The following COL26A1 variants were observed in gnomAD, a reference collection of about 807,000 sequenced individuals.
COL26A1 encodes the protein collagen alpha-1(XXVI) chain.
In COL26A1, 41 loss-of-function variants were observed where a neutral mutation model predicts 59.3. The ratio of observed to expected loss-of-function variants is 0.69; its 90% confidence interval spans 0.54 to 0.90. The LOEUF (loss-of-function observed/expected upper bound fraction) is 0.90. Among genes scored for constraint, COL26A1 ranks in the 40% least tolerant of loss-of-function variants. COL26A1 has a pLI of 0.00. For synonymous variants in COL26A1, 266 were observed against 256.0 expected, an observed-to-expected ratio of 1.04 and a Z score of -0.37; for missense variants, 612 against 602.3, an observed-to-expected ratio of 1.02 and a Z score of -0.17.
Position 101,489,687 on chromosome 7 carries a change from TTCTTTCTTTCTG to T in COL26A1, c.385+41912_385+41923del, listed in dbSNP as rs1794361359. On this transcript the variant is annotated intron_variant, in intron 3 of 12. Coordinates refer to ENST00000313669, the MANE Select transcript of COL26A1 (RefSeq NM_001278563.3). Reference sequence around the variant, plus strand: ...TTCCTTCCTTCCTTCCTTCCTTTCTTTCTTTCTTTCTGTCTTTCTTTCTTTCATTCTTTCTTT... The same window carrying T: ...TTCCTTCCTTCCTTCCTTCCTTTCTTTCTTTCTTTCTTTCATTCTTTCTTT... Among the ~76,000 whole-genome samples, 4 of 16,084 alleles carry T rather than the reference TTCTTTCTTTCTG, an allele frequency of 2.5e-4. 1 individual carries two copies. The highest frequency in any genetic ancestry group is 7.9e-4 in the Admixed American group (1 of 1,258). The allele number at this position is 16,084 out of a possible 152,430, so 10.6% of individuals were successfully genotyped here.
intron 3 of COL26A1, among the ~76,000 whole-genome samples, chr7:101,460,232 G>A (rs1793577675): frequency 6.6e-6 from 1 of 152,086 alleles, no homozygotes; most frequent in Admixed American, 6.6e-5. Context: ...GAGTGTGCAG[G>A]GGCCAGAGGA....
chr7:101,431,572 A>G (rs1792781235), intron 2 of COL26A1, among the ~76,000 whole-genome samples: 1 of 151,914 alleles, frequency 6.6e-6, no homozygotes, highest in Non-Finnish European at 1.5e-5. Flanking sequence ...AAGGTTTTCA[A>G]AGATGCTTTT....
chr7:101,382,167 G>C (rs1486305727), intron 1 of COL26A1, among the ~76,000 whole-genome samples: 1 of 152,116 alleles, frequency 6.6e-6, no homozygotes, highest in African/African-American at 2.4e-5. Context: ...TCCTGCCTCA[G>C]CCTCTTGAGT....
At chr7:101,411,389 C>G (rs62465637) in intron 1 of COL26A1, among the ~76,000 whole-genome samples, 26,730 of 151,788 alleles carry the variant, frequency 0.18, 2,802 homozygotes, top group Non-Finnish European at 0.24. Context: ...TGCTTGAGAG[C>G]GCGCCCTCTG....
chr7:101,549,003 A>T (rs2130675588), intron 8 of COL26A1, among the ~76,000 whole-genome samples, 168 bp from the exon 9 acceptor site: 1 of 152,286 alleles, frequency 6.6e-6, no homozygotes, highest in Non-Finnish European at 1.5e-5. Context: ...CTGGGCTCCG[A>T]GGATGGAGAC....
chr7:101,363,190 G>T lies in COL26A1; in HGVS notation c.158G>T (p.Arg53Leu). 1 of 1,493,486 alleles carries T rather than the reference G, an allele frequency of 6.7e-7. No individual in the cohort carries two copies. The highest frequency in any genetic ancestry group is 1.3e-5 in the South Asian group (1 of 79,302). The allele number at this position is 1,493,486 out of a possible 1,614,324, so 92.5% of individuals were successfully genotyped here. Residue 53 changes from arginine (R) to leucine (L), a missense_variant and splice_region_variant, in exon 1 of 13, where the codon CGG becomes CTG. Arg to Leu is a moderately radical substitution (Grantham distance 102). Coordinates refer to ENST00000313669, the MANE Select transcript of COL26A1 (RefSeq NM_001278563.3). ...CCTGGCAGCGGCTACGCGAGCCGCCGGTGAGTAGCTCGGGGCCGAGGGGCC... is the reference window on the plus strand; with the variant it reads ...CCTGGCAGCGGCTACGCGAGCCGCCTGTGAGTAGCTCGGGGCCGAGGGGCC... ...GSPGSGYASR[R>L]HWCHHTVTRT...
intron 3 of COL26A1, among the ~76,000 whole-genome samples, chr7:101,483,506 A>T (rs1267474122): frequency 1.3e-5 from 2 of 148,972 alleles, no homozygotes; most frequent in African/African-American, 2.5e-5. Flanking sequence ...TTTTTAATTT[A>T]ATTTTATTAT....
intron 3 of COL26A1, among the ~76,000 whole-genome samples, chr7:101,501,212 G>GAAAAAA (rs1794699771): frequency 1.1e-5 from 1 of 89,744 alleles, no homozygotes; most frequent in African/African-American, 4.1e-5. Flanking sequence ...GAAAAGAAAA[G>GAAAAAA]AAAAGAAAAA....
rs1201611655 is a variant in COL26A1 at position 101,409,778 on chromosome 7, TG to T, written c.159-10198del. Among the ~76,000 whole-genome samples, 3 of 152,218 alleles carry T rather than the reference TG, an allele frequency of 2.0e-5. No homozygotes were observed. In the East Asian group the frequency reaches 5.8e-4, roughly 29 times the overall value. On this transcript the variant is annotated intron_variant, in intron 1 of 12. Coordinates refer to ENST00000313669, the MANE Select transcript of COL26A1 (RefSeq NM_001278563.3). Reference sequence around the variant, plus strand: ...TTTCAGAGGCTAGGGTCTTTTTTTTTGAGACGGAGTCTCGCTCTGTTGCCCA... The same window carrying T: ...TTTCAGAGGCTAGGGTCTTTTTTTTTAGACGGAGTCTCGCTCTGTTGCCCA...
At chr7:101,543,174 CT>C (rs11363180) in intron 5 of COL26A1, among the ~76,000 whole-genome samples, 51,301 of 147,958 alleles carry the variant, frequency 0.35, 9,340 homozygotes, top group African/African-American at 0.45. Flanking sequence ...GATCAGCAAA[CT>C]TTTTTTTTTT....
chr7:101,548,813 C>T (rs1795798815), intron 8 of COL26A1, among the ~76,000 whole-genome samples: 1 of 152,036 alleles, frequency 6.6e-6, no homozygotes, highest in African/African-American at 2.4e-5. Flanking sequence ...AGGGATGGGT[C>T]CCAGGTCCCG....
chr7:101,457,123 A>T (rs533613802), intron 3 of COL26A1, among the ~76,000 whole-genome samples: 1 of 152,202 alleles, frequency 6.6e-6, no homozygotes, highest in Non-Finnish European at 1.5e-5. Flanking sequence ...CTGTTTGGGG[A>T]TGCCATCATA....
At chr7:101,448,869 C>G (rs947795963) in intron 3 of COL26A1, among the ~76,000 whole-genome samples, 1 of 152,204 alleles carries the variant, frequency 6.6e-6, no homozygotes, top group African/African-American at 2.4e-5. Context: ...TCTTCTCTGT[C>G]ATCTTGTTAC....
intron 1 of COL26A1, among the ~76,000 whole-genome samples, chr7:101,398,506 C>T (rs961540709): frequency 1.6e-4 from 25 of 152,166 alleles, no homozygotes; most frequent in African/African-American, 4.3e-4. Flanking sequence ...GACTTTCCCT[C>T]GCCCCAAGTC....
At chr7:101,441,993 G>A (rs1357769146) in intron 2 of COL26A1, among the ~76,000 whole-genome samples, 1 of 152,106 alleles carries the variant, frequency 6.6e-6, no homozygotes, top group African/African-American at 2.4e-5. Flanking sequence ...AGTGAATTAG[G>A]GACAGAGCCC....
At chr7:101,388,427 C>T (rs573038913) in intron 1 of COL26A1, among the ~76,000 whole-genome samples, 6 of 151,752 alleles carry the variant, frequency 4.0e-5, no homozygotes, top group South Asian at 2.1e-4. Context: ...CAGCCGAGAT[C>T]GCGCCATTAC....
intron 3 of COL26A1, among the ~76,000 whole-genome samples, chr7:101,501,304 G>A (rs1056485822): frequency 6.6e-6 from 1 of 151,316 alleles, no homozygotes; most frequent in East Asian, 1.9e-4. Flanking sequence ...GGGGCCACGA[G>A]AGTCATTAGC....
intron 7 of COL26A1, 61 bp downstream of exon 7, chr7:101,545,551 C>T (rs1278678851): frequency 2.6e-6 from 4 of 1,519,326 alleles, no homozygotes; most frequent in Non-Finnish European, 2.6e-6. Context: ...TGGGAGGGAT[C>T]AGCCTTCCTT....
At chr7:101,369,253 A>T (rs538300754) in intron 1 of COL26A1, among the ~76,000 whole-genome samples, 1 of 151,752 alleles carries the variant, frequency 6.6e-6, no homozygotes, top group Non-Finnish European at 1.5e-5. Flanking sequence ...CTAAGAATAC[A>T]AAAATTAGCT....
Sources: gnomAD v4.1 joint callset for allele counts (sites outside exome capture counted in the v4.1 genomes callset) on GRCh38, gnomAD v4.1.1 for gene constraint, MANE v1.5 for transcripts, NCBI Gene and HGNC (gene_info 2026-07-23, HGNC 2026-07-21) for gene names.